Variants in DDX60L observed in about 807,000 individuals in gnomAD.
DDX60L encodes the protein probable ATP-dependent RNA helicase DDX60-like.
A neutral mutation model predicts 211.6 loss-of-function variants in DDX60L; 191 were observed. The observed-to-expected ratio is 0.90, with a 90% CI of 0.80 to 1.02. The LOEUF (loss-of-function observed/expected upper bound fraction) is 1.02. DDX60L is among the 50% of genes least tolerant of loss of function. DDX60L has a pLI of 0.00. For synonymous variants in DDX60L, 706 were observed against 694.1 expected, an observed-to-expected ratio of 1.02 and a Z score of -0.27; for missense variants, 2,007 against 1,984.1, an observed-to-expected ratio of 1.01 and a Z score of -0.22.
intron 22 of DDX60L, among the ~76,000 whole-genome samples, chr4:168,412,199 G>A (rs1390581059): frequency 6.6e-6 from 1 of 151,336 alleles, no homozygotes; most frequent in African/African-American, 2.4e-5. Context: ...TCTGCTTGAA[G>A]AAAAGAGAGG....
intron 35 of DDX60L, among the ~76,000 whole-genome samples, chr4:168,372,196 G>A (rs1484515059): frequency 6.6e-6 from 1 of 152,086 alleles, no homozygotes; most frequent in Admixed American, 6.5e-5. Flanking sequence ...GTCTCCCTGT[G>A]CTCACAGGGA....
In DDX60L at chr4:168,385,800, G is replaced by T. The variant is rs187157245; in HGVS notation, c.3916-988C>A. ...GTTTGCGTTTTGCTCATATTCAGAG[G>T]CAGAGTCATTAACAGGTATTCCCTA... On this transcript the variant is annotated intron_variant, in intron 29 of 37. Coordinates refer to ENST00000682922, the MANE Select transcript of DDX60L (RefSeq NM_001012967.3). Among the ~76,000 whole-genome samples, 465 of 152,264 alleles carry T rather than the reference G, an allele frequency of 3.1e-3. 2 individuals carry two copies. The highest frequency in any genetic ancestry group is 5.2e-3 in the Non-Finnish European group (353 of 68,020).
At position 168,448,622 on chromosome 4, in the gene DDX60L, C is replaced by A. The variant is rs764433628; in HGVS notation, c.1138+16G>T. ...ATTTGTTCATGATATAATGTTAATG[C>A]ATATTCAGGTACTACCTTGAGTACT... On this transcript the variant is annotated intron_variant, in intron 9 of 37. Transcript: ENST00000682922. 6.7e-7 allele frequency: 1 copy of A among 1,492,268 alleles called. No homozygotes were observed. Among genetic ancestry groups the A allele is most frequent in the Admixed American group, 2.0e-5 (1 of 49,300 alleles). 92.4% of individuals were successfully genotyped at this position (1,492,268 alleles called of 1,614,324 possible).
chr4:168,469,224 A>G (rs372848130), intron 4 of DDX60L: 46 of 152,162 alleles, frequency 3.0e-4, no homozygotes, highest in African/African-American at 1.0e-3. Flanking sequence ...TTGATGGAAC[A>G]TAGTAGAAAG....
At chr4:168,388,313 G>A (rs1744235300) in intron 29 of DDX60L, among the ~76,000 whole-genome samples, 1 of 152,190 alleles carries the variant, frequency 6.6e-6, no homozygotes, top group South Asian at 2.1e-4. Context: ...AGAGGAAGAA[G>A]GAGAGCAAAT....
intron 36 of DDX60L, among the ~76,000 whole-genome samples, chr4:168,364,842 T>C (rs1231965661): frequency 1.3e-5 from 2 of 151,982 alleles, no homozygotes; most frequent in African/African-American, 4.8e-5. Flanking sequence ...CTGAGCAAAA[T>C]GGTATGAAAC....
intron 16 of DDX60L, among the ~76,000 whole-genome samples, 200 bp from the exon 17 acceptor site, chr4:168,422,109 GAA>G (rs1255486455): frequency 6.6e-6 from 1 of 152,206 alleles, no homozygotes; most frequent in African/African-American, 2.4e-5. Context: ...CATTCCCTCA[GAA>G]AAGAGATTTT....
chr4:168,428,919 A>G (rs939297624), intron 13 of DDX60L, among the ~76,000 whole-genome samples: 3 of 152,214 alleles, frequency 2.0e-5, no homozygotes, highest in Non-Finnish European at 4.4e-5. Flanking sequence ...GTGTAAAGGC[A>G]GGAAGAGAAA....
intron 10 of DDX60L, among the ~76,000 whole-genome samples, chr4:168,439,432 A>C (rs1346704422): frequency 6.6e-6 from 1 of 152,086 alleles, no homozygotes. Context: ...CTCATGCCCC[A>C]AAGCTCCACC....
chr4:168,421,784 C>T lies in DDX60L; in HGVS notation c.2370G>A (p.Val790=). ...CCTTTGCGGGTGCAACGTACACAAC[C>T]ACCCCGACATCGCTCTCCCTCAGCA... ...EKVLRESDVG[V]VVYVAPAKSL... is the part of the protein sequence containing the mutation. Residue 790 remains valine, a synonymous_variant, in exon 17 of 38, where the codon GTG becomes GTA. Transcript: ENST00000682922. 6.2e-7 allele frequency: 1 copy of T among 1,614,134 alleles called. No homozygotes were observed. Among genetic ancestry groups the T allele is most frequent in the Non-Finnish European group, 8.5e-7 (1 of 1,180,014 alleles).
chr4:168,388,394 C>T (rs982963261), intron 29 of DDX60L, among the ~76,000 whole-genome samples: 3 of 152,092 alleles, frequency 2.0e-5, no homozygotes, highest in African/African-American at 7.2e-5. Flanking sequence ...AAGGTTCTCA[C>T]TAGGAAAGAA....
chr4:168,453,544 C>G (rs916583336), intron 7 of DDX60L, among the ~76,000 whole-genome samples: 1 of 152,134 alleles, frequency 6.6e-6, no homozygotes, highest in Non-Finnish European at 1.5e-5. Context: ...CAAAGGAAGT[C>G]CCTGACCCAG....
chr4:168,473,911 G>C (rs761368492), intron 1 of DDX60L, among the ~76,000 whole-genome samples: 1 of 152,180 alleles, frequency 6.6e-6, no homozygotes, highest in Non-Finnish European at 1.5e-5. Flanking sequence ...GGATTGGTAA[G>C]TAGAAAAGTA....
At chr4:168,404,208 A>G in intron 24 of DDX60L, 102 bp from the exon 25 acceptor site, 1 of 885,312 alleles carries the variant, frequency 1.1e-6, no homozygotes, top group Non-Finnish European at 1.6e-6. Context: ...ATAATTTTTC[A>G]TATATAATTT....
rs906270388 is a variant in DDX60L at position 168,472,477 on chromosome 4, A to C, written c.52T>G (p.Leu18Val). Residue 18 changes from leucine to valine, a missense_variant, in exon 3 of 38, where the codon TTG (leucine) becomes GTG (valine). Physicochemically the swap from Leu to Val is conservative, Grantham distance 32. Coordinates refer to ENST00000682922, the MANE Select transcript of DDX60L (RefSeq NM_001012967.3). ...VFFREMTQLI[L>V]NEMPKAGYSS... ...TACCCAGCTTTTGGCATTTCATTCA[A>C]AATTAACTGTGTCATTTCCCTGAAA... The C allele has an allele frequency of 6.4e-7, 1 of 1,570,262 alleles. No homozygotes were observed. Among genetic ancestry groups the C allele is most frequent in the Non-Finnish European group, 8.6e-7 (1 of 1,156,286 alleles).
chr4:168,457,953 A>C lies in DDX60L; in HGVS notation c.662T>G (p.Ile221Arg), dbSNP rs1756817443. The change falls in exon 6 of 38, where the codon ATA (isoleucine) becomes AGA (arginine). Residue 221 changes from isoleucine to arginine, a missense_variant. By Grantham distance (97) the Ile-to-Arg change is moderately conservative (BLOSUM62 -3). Coordinates refer to ENST00000682922, the MANE Select transcript of DDX60L (RefSeq NM_001012967.3). ...YKSLIQHLEEIRVLVLATHFE... is the reference protein window; with the variant it reads ...YKSLIQHLEERRVLVLATHFE... Reference sequence around the variant, plus strand: ...ATGAGTTGCTAATACTAAAACCCTTATTTCTTCCAAGTGTTGTATGAGGCT... The same window carrying C: ...ATGAGTTGCTAATACTAAAACCCTTCTTTCTTCCAAGTGTTGTATGAGGCT... 6.4e-7 allele frequency: 1 copy of C among 1,572,734 alleles called. No individual in the cohort carries two copies. Among genetic ancestry groups the C allele is most frequent in the Non-Finnish European group, 8.6e-7 (1 of 1,156,818 alleles).
At chr4:168,419,261 G>A (rs1056594036) in intron 19 of DDX60L, 41 bp downstream of exon 19, 65 of 1,414,246 alleles carry the variant, frequency 4.6e-5, no homozygotes, top group Non-Finnish European at 6.1e-5. Flanking sequence ...TAGGGTGTAT[G>A]CAGACTAGAA....
chr4:168,453,164 G>A lies in DDX60L; in HGVS notation c.956C>T (p.Thr319Ile). The A allele has an allele frequency of 1.2e-6, 2 of 1,613,088 alleles. No homozygotes were observed. Among genetic ancestry groups the A allele is most frequent in the Non-Finnish European group, 1.7e-6 (2 of 1,179,444 alleles). The change falls in exon 8 of 38, where the codon ACA becomes ATA. Residue 319 changes from threonine to isoleucine, a missense_variant. By Grantham distance (89) the Thr-to-Ile change is moderately conservative. Coordinates refer to ENST00000682922, the MANE Select transcript of DDX60L (RefSeq NM_001012967.3). ...ATCACTGTTCCTAATCCAAGAGCATGTGATGACTCGAGAACAAGCTCTCTG... is the reference window on the plus strand; with the variant it reads ...ATCACTGTTCCTAATCCAAGAGCATATGATGACTCGAGAACAAGCTCTCTG... ...LSQRACSRVI[T>I]CSWIRNSDSF... is the part of the protein sequence containing the mutation.
At chr4:168,456,401 T>A (rs1561112519) in intron 6 of DDX60L, among the ~76,000 whole-genome samples, 2 of 152,044 alleles carry the variant, frequency 1.3e-5, no homozygotes, top group Admixed American at 1.3e-4. Context: ...AAATTAAGAT[T>A]TAGTAAAACA....
Sources: allele counts gnomAD v4.1 joint callset (sites outside exome capture counted in the v4.1 genomes callset), GRCh38; gene constraint gnomAD v4.1.1; transcripts MANE v1.5; gene names NCBI Gene and HGNC (gene_info 2026-07-23, HGNC 2026-07-21).